Variants in ANO4 observed in about 807,000 individuals in gnomAD.
The protein encoded by ANO4 is anoctamin 4, also known as anoctamin-4.
Under a neutral mutation model 141.9 loss-of-function variants are expected in ANO4, and 69 were observed. The ratio of observed to expected loss-of-function variants is 0.49; its 90% CI spans 0.40 to 0.59. ANO4 has a LOEUF of 0.59. Among genes scored for constraint, ANO4 ranks in the 20% least tolerant of loss-of-function variants. The probability of loss-of-function intolerance (pLI) is 0.00; values close to 1 mark genes in which losing one functional copy is unlikely to be tolerated. For synonymous variants in ANO4, 350 were observed against 394.3 expected, an observed-to-expected ratio of 0.89 and a Z score of 1.33; for missense variants, 894 against 1,162.2, an observed-to-expected ratio of 0.77 and a Z score of 3.36.
intron 8 of ANO4, among the ~76,000 whole-genome samples, chr12:100,997,835 G>A (rs1057252043): frequency 6.6e-6 from 1 of 152,164 alleles, no homozygotes. Context: ...TAGTGATATG[G>A]TGGACAGTAT....
At position 100,782,646 on chromosome 12, in the gene ANO4, C is replaced by T. The variant is rs141127639; in HGVS notation, c.358+42541C>T. 1.9e-3 allele frequency among the ~76,000 whole-genome samples: 282 copies of T among 152,206 alleles called. 1 individual carries two copies. The highest frequency in any genetic ancestry group is 6.2e-3 in the African/African-American group (259 of 41,530). On this transcript the variant is annotated intron_variant, in intron 3 of 29. Transcript: ENST00000644049. The stretch of plus-strand genomic sequence containing the variant: ...TGACCTTGGGCAATGCTGAACTTTG[C>T]CCAGCTTCAGTTTCCTTATCTGGAA...
intron 14 of ANO4, among the ~76,000 whole-genome samples, chr12:101,076,140 C>A (rs937434596): frequency 2.6e-5 from 4 of 152,058 alleles, no homozygotes; most frequent in African/African-American, 9.7e-5. Context: ...TATTTATGTT[C>A]CCCCAAATTC....
At chr12:100,982,848 TAATC>T (rs2044541575) in intron 7 of ANO4, among the ~76,000 whole-genome samples, 1 of 152,228 alleles carries the variant, frequency 6.6e-6, no homozygotes, top group African/African-American at 2.4e-5. Context: ...ATAAGTGACA[TAATC>T]AAGATATTAT....
At chr12:100,937,536 A>G (rs1017605054) in intron 3 of ANO4, among the ~76,000 whole-genome samples, 1 of 152,132 alleles carries the variant, frequency 6.6e-6, no homozygotes, top group African/African-American at 2.4e-5. Context: ...ACCTGGCACA[A>G]TGTAGGTGCT....
intron 1 of ANO4, among the ~76,000 whole-genome samples, chr12:100,870,300 A>C (rs1429160017): frequency 6.6e-6 from 1 of 152,216 alleles, no homozygotes; most frequent in East Asian, 1.9e-4. Flanking sequence ...ACCCCATAGC[A>C]TCATATGACT....
At chr12:100,998,797 C>G (rs2045507835) in intron 8 of ANO4, among the ~76,000 whole-genome samples, 1 of 152,134 alleles carries the variant, frequency 6.6e-6, no homozygotes, top group South Asian at 2.1e-4. Flanking sequence ...CAGGAGGCCC[C>G]TCTCAAAACT....
intron 14 of ANO4, among the ~76,000 whole-genome samples, chr12:101,064,666 A>T (rs1374185210): frequency 5.5e-5 from 3 of 54,574 alleles, no homozygotes; most frequent in Non-Finnish European, 6.6e-5. Flanking sequence ...AAAGTATTAT[A>T]ATAATAATAA....
intron 1 of ANO4, among the ~76,000 whole-genome samples, chr12:100,887,172 C>T (rs1357870173): frequency 1.3e-5 from 2 of 152,142 alleles, no homozygotes; most frequent in Admixed American, 6.5e-5. Context: ...TGTTTCACTT[C>T]GAGAAGCGCT....
intron 9 of ANO4, among the ~76,000 whole-genome samples, chr12:101,032,100 A>C (rs1349940545): frequency 1.3e-5 from 2 of 152,240 alleles, no homozygotes; most frequent in African/African-American, 4.8e-5. Flanking sequence ...TTCATATGGA[A>C]TCAAAGAAGA....
intron 1 of ANO4, among the ~76,000 whole-genome samples, chr12:100,823,371 G>A (rs527383282): frequency 2.0e-5 from 3 of 152,074 alleles, no homozygotes; most frequent in Non-Finnish European, 2.9e-5. Flanking sequence ...AAAAGGATTG[G>A]TAAAATATCT....
rs1297442019 is a variant in ANO4, at chr12:100,924,296, C to T, written c.160+1966C>T. Among the ~76,000 whole-genome samples, 9 of 151,980 alleles carry T rather than the reference C, an allele frequency of 5.9e-5. No individual in the cohort carries two copies. In the East Asian group the frequency reaches 1.7e-3, roughly 29 times the overall value. ...TAGTTATCCCCATTTATCATTATAC[C>T]GTCCTCTTGACCTTATGAGATAGTT... is the stretch of plus-strand genomic sequence containing the variant. On this transcript the variant is annotated intron_variant, in intron 3 of 27. Coordinates refer to ENST00000392977, the MANE Select transcript of ANO4 (RefSeq NM_001286615.2).
chr12:100,902,847 C>T (rs539946580), intron 2 of ANO4, among the ~76,000 whole-genome samples: 15 of 152,320 alleles, frequency 9.8e-5, no homozygotes, highest in Admixed American at 8.5e-4. Context: ...TTTGACCAAG[C>T]TCTTACCCAT....
chr12:100,926,658 C>T (rs1398051851), intron 3 of ANO4, among the ~76,000 whole-genome samples: 1 of 150,088 alleles, frequency 6.7e-6, no homozygotes, highest in African/African-American at 2.5e-5. Flanking sequence ...GTTATTTGTC[C>T]CTTCCTCTCT....
intron 7 of ANO4, among the ~76,000 whole-genome samples, chr12:100,983,631 C>T (rs539001761): frequency 6.6e-6 from 1 of 152,300 alleles, no homozygotes; most frequent in South Asian, 2.1e-4. Context: ...TTCCTTGCCT[C>T]CTAGCTCTTT....
chr12:100,904,361 C>T (rs10735374), intron 2 of ANO4, among the ~76,000 whole-genome samples: 106,870 of 152,012 alleles, frequency 0.7, 38,417 homozygotes, highest in African/African-American at 0.85. Flanking sequence ...CTATATATAA[C>T]ATATAGTGTT....
chr12:100,933,672 A>G (rs151332637), intron 3 of ANO4, among the ~76,000 whole-genome samples: 3,435 of 152,306 alleles, frequency 0.023, 84 homozygotes, highest in Non-Finnish European at 0.03. Flanking sequence ...CTAATTCTAG[A>G]TCCTTAAGGA....
At chr12:100,778,076 T>G (rs907575005) in intron 3 of ANO4, among the ~76,000 whole-genome samples, 6 of 151,948 alleles carry the variant, frequency 3.9e-5, no homozygotes, top group Non-Finnish European at 7.4e-5. Flanking sequence ...CCCGCCACCA[T>G]GCCCGGCTAA....
chr12:100,737,025 A>G (rs942179749), intron 2 of ANO4, among the ~76,000 whole-genome samples: 5 of 152,110 alleles, frequency 3.3e-5, no homozygotes, highest in African/African-American at 9.7e-5. Flanking sequence ...TAGAAAACTA[A>G]CCTCTGAAGG....
intron 8 of ANO4, among the ~76,000 whole-genome samples, chr12:100,991,183 A>T (rs1167000302): frequency 2.0e-5 from 3 of 152,234 alleles, no homozygotes; most frequent in Non-Finnish European, 2.9e-5. Context: ...GCCATGTCAC[A>T]TAGATAGCAT....
Sources: gnomAD v4.1 joint callset for allele counts (sites outside exome capture counted in the v4.1 genomes callset) on GRCh38, gnomAD v4.1.1 for gene constraint, MANE v1.5 for transcripts, NCBI Gene and HGNC (gene_info 2026-07-23, HGNC 2026-07-21) for gene names.